Variants in NDE1 observed in about 807,000 individuals in gnomAD.
The protein encoded by NDE1 is nudE neurodevelopment protein 1.
Under a neutral mutation model 43.4 loss-of-function variants are expected in NDE1, and 28 were observed. That is an observed-to-expected ratio of 0.65 (90% CI 0.48 to 0.89). The LOEUF is 0.89. Ranked by LOEUF, NDE1 falls within the 40% of genes least tolerant of loss-of-function variation. NDE1 has a pLI of 0.00. For synonymous variants in NDE1, 184 were observed against 172.0 expected (o/e 1.07, Z -0.55); for missense variants, 441 against 434.1 (o/e 1.02, Z -0.14).
intron 8 of NDE1, chr16:15,718,654 G>A (rs967095494): frequency 1.5e-6 from 1 of 649,384 alleles, no homozygotes; most frequent in Non-Finnish European, 2.6e-6. Context: ...GGATTGGGAT[G>A]GGGACCAGCA....
In NDE1 at chr16:15,659,192, A is replaced by G. The variant is rs76312651; in HGVS notation, c.-43-5544A>G. 6.3e-3 allele frequency among the ~76,000 whole-genome samples: 952 copies of G among 152,158 alleles called. 12 individuals carry two copies. The highest frequency in any genetic ancestry group is 0.022 in the African/African-American group (925 of 41,512). ...TCCTGGTTCTGCATGAATTAGGCCCACCTCTGTCATTGGCTCAACATGGGT... is the reference window on the plus strand; with the variant it reads ...TCCTGGTTCTGCATGAATTAGGCCCGCCTCTGTCATTGGCTCAACATGGGT... On this transcript the variant is annotated intron_variant, in intron 1 of 8. Transcript: ENST00000396354.
chr16:15,719,099 G>C (rs902556266), intron 8 of NDE1: 4 of 976,630 alleles, frequency 4.1e-6, no homozygotes, highest in African/African-American at 3.2e-5. Context: ...CTGCCCTCCA[G>C]CCTGGGTGAC....
chr16:15,714,950 C>T, intron 8 of NDE1: 2 of 1,614,126 alleles, frequency 1.2e-6, no homozygotes, highest in Middle Eastern at 1.7e-4. Context: ...GGCCCATGGC[C>T]TCGTTGCTCT....
At chr16:15,706,521 A>G (rs1483659584) in intron 8 of NDE1, among the ~76,000 whole-genome samples, 2 of 152,152 alleles carry the variant, frequency 1.3e-5, no homozygotes, top group African/African-American at 4.8e-5. Flanking sequence ...CATCCTGGCC[A>G]ATATGGTGAA....
Position 15,725,335 on chromosome 16 carries a change from G to T in NDE1, c.*1084G>T. The T allele has an allele frequency of 1.8e-6, 1 of 560,754 alleles. No individual in the cohort carries two copies. Among genetic ancestry groups the T allele is most frequent in the East Asian group, 3.0e-5 (1 of 33,116 alleles). 34.7% of individuals were successfully genotyped at this position (560,754 alleles called of 1,614,324 possible). Reference sequence around the variant, plus strand: ...CAAGGTTGGTAGAGACAAAGCAGCAGGTCTGAGAGTCCAGACGAGGTGCTC... The same window carrying T: ...CAAGGTTGGTAGAGACAAAGCAGCATGTCTGAGAGTCCAGACGAGGTGCTC... On this transcript the variant is annotated 3_prime_UTR_variant, in exon 9 of 9. Coordinates refer to ENST00000396354, the MANE Select transcript of NDE1 (RefSeq NM_017668.3).
At chr16:15,711,227 T>G (rs1235757277) in intron 8 of NDE1, 1 of 152,230 alleles carries the variant, frequency 6.6e-6, no homozygotes, top group South Asian at 2.1e-4. Context: ...CCCCAAACTC[T>G]AGAGGTGATT....
intron 2 of NDE1, among the ~76,000 whole-genome samples, chr16:15,666,345 A>C (rs1470291794): frequency 6.6e-6 from 1 of 152,098 alleles, no homozygotes; most frequent in East Asian, 1.9e-4. Flanking sequence ...AGGTCCAGGC[A>C]CAGTGGCTCA....
At chr16:15,665,007 T>C in intron 2 of NDE1, 146 bp downstream of exon 2, 1 of 653,142 alleles carries the variant, frequency 1.5e-6, no homozygotes, top group Non-Finnish European at 2.7e-6. Context: ...GCGATCATCC[T>C]GGCTCAGCCT....
At chr16:15,682,647 A>G (rs930963591) in intron 4 of NDE1, among the ~76,000 whole-genome samples, 1 of 152,250 alleles carries the variant, frequency 6.6e-6, no homozygotes, top group Non-Finnish European at 1.5e-5. Context: ...TCATATGAGT[A>G]CTAAGATGCC....
chr16:15,662,332 G>A (rs1428033916), intron 1 of NDE1, among the ~76,000 whole-genome samples: 1 of 125,816 alleles, frequency 7.9e-6, no homozygotes, highest in Non-Finnish European at 1.6e-5. Context: ...GCCCAGGCTT[G>A]AGTGCAGTGG....
In NDE1 at chr16:15,706,287, C is replaced by T. The variant is rs565407164; in HGVS notation, c.947+9427C>T. Among the ~76,000 whole-genome samples the T allele has an allele frequency of 1.5e-4, 23 of 152,244 alleles. 1 individual carries two copies. The South Asian group carries it at 3.3e-3, about 22-fold the overall frequency. On this transcript the variant is annotated intron_variant, in intron 8 of 8. Coordinates refer to ENST00000396354, the MANE Select transcript of NDE1 (RefSeq NM_017668.3). ...ACCCTTAAGTCTTTTTCTTTTTTAG[C>T]ACTGTTTTCCAAGCGCTTGACTCAG...
intron 5 of NDE1, among the ~76,000 whole-genome samples, chr16:15,687,870 G>A (rs2038519487): frequency 6.6e-6 from 1 of 152,208 alleles, no homozygotes; most frequent in African/African-American, 2.4e-5. Flanking sequence ...CTACCCTGAT[G>A]CTCAGTAGGA....
intron 8 of NDE1, among the ~76,000 whole-genome samples, chr16:15,722,943 G>A (rs1018599001): frequency 1.3e-5 from 2 of 151,990 alleles, no homozygotes; most frequent in African/African-American, 4.8e-5. Flanking sequence ...AAAGTTGCAC[G>A]ATGTTGGCCA....
Position 15,691,324 on chromosome 16 carries a change from G to GT in NDE1, c.703+2dup. On this transcript the variant is annotated splice_donor_variant, in intron 6 of 8. Transcript: ENST00000396354. LOFTEE classifies it high-confidence loss of function. ...AACACACCTGGGAGCTTCAGACGTG[G>GT]TAAGGGGAGTGGGAATTGCAGGATT... 1 of 1,614,036 alleles carries GT rather than the reference G, an allele frequency of 6.2e-7. No homozygotes were observed. Among genetic ancestry groups the GT allele is most frequent in the Non-Finnish European group, 8.5e-7 (1 of 1,179,978 alleles).
chr16:15,664,950 C>T, intron 2 of NDE1, 89 bp downstream of exon 2: 2 of 1,027,926 alleles, frequency 1.9e-6, no homozygotes, highest in East Asian at 2.4e-5. Flanking sequence ...GGTGGCTGTT[C>T]CTAGGCGTGA....
intron 4 of NDE1, among the ~76,000 whole-genome samples, chr16:15,681,676 C>G (rs2038191913): frequency 6.6e-6 from 1 of 152,008 alleles, no homozygotes; most frequent in South Asian, 2.1e-4. Flanking sequence ...TCATTTGTTT[C>G]CAGCTTTGTC....
intron 7 of NDE1, chr16:15,695,463 G>C: frequency 1.5e-5 from 15 of 968,996 alleles, no homozygotes; most frequent in Non-Finnish European, 1.8e-5. Flanking sequence ...AGCTGAGATC[G>C]CACCGCTGGG....
At chr16:15,696,989 C>A in intron 8 of NDE1, 129 bp downstream of exon 8, 1 of 1,538,252 alleles carries the variant, frequency 6.5e-7, no homozygotes, top group Non-Finnish European at 8.7e-7. Flanking sequence ...ACCTTATCCT[C>A]TCCTCTGCTC....
At chr16:15,661,218 G>A (rs1196585630) in intron 1 of NDE1, among the ~76,000 whole-genome samples, 2 of 149,554 alleles carry the variant, frequency 1.3e-5, no homozygotes, top group Non-Finnish European at 3.0e-5. Flanking sequence ...GCGCCATCTC[G>A]GCTCACTGCA....
Sources: allele counts gnomAD v4.1 joint callset (sites outside exome capture counted in the v4.1 genomes callset), GRCh38; gene constraint gnomAD v4.1.1; transcripts MANE v1.5; gene names NCBI Gene and HGNC (gene_info 2026-07-23, HGNC 2026-07-21).